The following ACOXL variants were observed in gnomAD, a reference collection of about 807,000 sequenced individuals.
ACOXL encodes acyl-CoA oxidase like.
ACOXL carries 70 observed loss-of-function variants against 71.9 expected under a neutral mutation model. The observed-to-expected ratio is 0.97, with a 90% confidence interval of 0.80 to 1.19. The LOEUF (loss-of-function observed/expected upper bound fraction) is 1.19, where lower values mean the gene tolerates loss of function less well. Among genes scored for constraint, ACOXL ranks in the 50% most tolerant of loss-of-function variants. The probability of loss-of-function intolerance (pLI) is 0.00; values close to 1 mark genes in which losing one functional copy is unlikely to be tolerated. For synonymous variants in ACOXL, 253 were observed against 281.6 expected (o/e 0.90, Z 1.02); for missense variants, 703 against 736.3 (o/e 0.95, Z 0.52).
intron 16 of ACOXL, among the ~76,000 whole-genome samples, chr2:111,050,678 C>G (rs1403637259): frequency 1.3e-5 from 2 of 152,154 alleles, no homozygotes; most frequent in African/African-American, 4.8e-5. Flanking sequence ...CCTGGGCTCC[C>G]CTGGAGGTTA....
intron 17 of ACOXL, among the ~76,000 whole-genome samples, chr2:111,114,927 G>A (rs1223307493): frequency 3.3e-5 from 5 of 152,060 alleles, no homozygotes; most frequent in Non-Finnish European, 7.4e-5. Flanking sequence ...CTTGAGGGCT[G>A]AGTGCTTCTG....
intron 9 of ACOXL, among the ~76,000 whole-genome samples, chr2:110,829,692 G>A (rs902591371): frequency 3.9e-5 from 6 of 152,182 alleles, no homozygotes; most frequent in Admixed American, 6.5e-5. Flanking sequence ...GGAGGAAGGC[G>A]TCCTTGATTT....
intron 1 of ACOXL, among the ~76,000 whole-genome samples, chr2:110,755,934 T>G (rs1679626928): frequency 6.6e-6 from 1 of 152,172 alleles, no homozygotes; most frequent in Non-Finnish European, 1.5e-5. Flanking sequence ...ATGCAAGCAA[T>G]ATGTGTATTG....
At chr2:110,823,770 G>T (rs1688883501) in intron 9 of ACOXL, among the ~76,000 whole-genome samples, 1 of 152,070 alleles carries the variant, frequency 6.6e-6, no homozygotes, top group Non-Finnish European at 1.5e-5. Context: ...TATATTTTTG[G>T]CAAGTATCTG....
chr2:110,765,646 G>T (rs13409293), intron 1 of ACOXL, among the ~76,000 whole-genome samples: 194 of 152,278 alleles, frequency 1.3e-3, no homozygotes, highest in African/African-American at 4.6e-3. Context: ...TCTGGTGAGG[G>T]TCTTGCTTTC....
chr2:111,001,530 G>A (rs1370520298), intron 14 of ACOXL, among the ~76,000 whole-genome samples: 2 of 152,222 alleles, frequency 1.3e-5, no homozygotes, highest in Non-Finnish European at 2.9e-5. Context: ...AACCACCTGG[G>A]TGTGCATAGG....
intron 1 of ACOXL, among the ~76,000 whole-genome samples, chr2:110,762,558 T>C (rs909861162): frequency 6.6e-6 from 1 of 152,256 alleles, no homozygotes; most frequent in Admixed American, 6.5e-5. Context: ...TAATTTATCA[T>C]AGTTTACTAG....
chr2:111,028,294 GT>G (rs1378713259), intron 14 of ACOXL, among the ~76,000 whole-genome samples: 2 of 151,828 alleles, frequency 1.3e-5, no homozygotes, highest in Admixed American at 6.6e-5. Context: ...TTGTTTTGGA[GT>G]TTTTTTGAGA....
chr2:110,988,742 C>G lies in ACOXL; in HGVS notation c.1169+1525C>G, dbSNP rs2063042119. On this transcript the variant is annotated intron_variant, in intron 13 of 17. Transcript: ENST00000439055. ...TATAAGAAATGATCTCTCACCCTGA[C>G]TTTAAACTGAATTTTCTCAATTACT... Among the ~76,000 whole-genome samples, 5 of 152,274 alleles carry G rather than the reference C, an allele frequency of 3.3e-5. No homozygotes were observed. The South Asian group carries it at 1.0e-3, about 32-fold the overall frequency.
In ACOXL at chr2:111,064,450, A is replaced by C. The variant is rs571668262; in HGVS notation, c.1440+15162A>C. ...CACTCCATCTCAAAAAAAAAACAAA[A>C]AAAAAACAACAACTATATAGTATTT... On this transcript the variant is annotated intron_variant, in intron 16 of 17. Transcript: ENST00000439055. Among the ~76,000 whole-genome samples, 320 of 151,814 alleles carry C rather than the reference A, an allele frequency of 2.1e-3. 4 individuals are homozygous for C. Among genetic ancestry groups the C allele is most frequent in the African/African-American group, 7.5e-3 (311 of 41,416 alleles).
At position 110,944,172 on chromosome 2, in the gene ACOXL, C is replaced by T. The variant is rs1464103526; in HGVS notation, c.1059+10530C>T. 1.3e-5 allele frequency among the ~76,000 whole-genome samples: 2 copies of T among 152,090 alleles called. 1 individual carries two copies. The highest frequency in any genetic ancestry group is 2.9e-5 in the Non-Finnish European group (2 of 68,020). On this transcript the variant is annotated intron_variant, in intron 12 of 17. Coordinates refer to ENST00000439055, the MANE Select transcript of ACOXL (RefSeq NM_001142807.4). ...TCCCAGGCTCAAGCGATTCTCCGGC[C>T]TCAGCCTCAGCCTCCCAAGTAGCTG...
chr2:111,000,491 C>T (rs1344981233), intron 14 of ACOXL, among the ~76,000 whole-genome samples: 1 of 152,188 alleles, frequency 6.6e-6, no homozygotes, highest in Non-Finnish European at 1.5e-5. Context: ...TTTCTGAGGG[C>T]TTCTGTGACA....
chr2:110,737,842 C>T (rs1378568267), intron 1 of ACOXL, among the ~76,000 whole-genome samples: 5 of 152,228 alleles, frequency 3.3e-5, no homozygotes, highest in Admixed American at 3.3e-4. Context: ...ATGGTCAAGT[C>T]ACTGTTTTCC....
chr2:111,111,809 A>G (rs187208967), intron 17 of ACOXL, among the ~76,000 whole-genome samples: 28 of 152,318 alleles, frequency 1.8e-4, no homozygotes, highest in Admixed American at 5.9e-4. Context: ...ATATTTATAA[A>G]TAATCAACCT....
chr2:111,064,032 G>A (rs1315450221), intron 16 of ACOXL, among the ~76,000 whole-genome samples: 1 of 152,192 alleles, frequency 6.6e-6, no homozygotes, highest in Admixed American at 6.5e-5. Context: ...CAAGGTCAAC[G>A]TTCATTCATT....
chr2:110,963,853 AG>A, intron 12 of ACOXL: 1 of 1,251,376 alleles, frequency 8.0e-7, no homozygotes, highest in South Asian at 1.6e-5. Flanking sequence ...GTAGCTGAAC[AG>A]GGGATTACGT....
chr2:110,765,327 C>T (rs1056125644), intron 1 of ACOXL, among the ~76,000 whole-genome samples: 1 of 152,102 alleles, frequency 6.6e-6, no homozygotes, highest in African/African-American at 2.4e-5. Flanking sequence ...TGTCTTTTAC[C>T]AAGTAGGGGA....
chr2:110,946,423 A>G (rs2061110548), intron 12 of ACOXL, among the ~76,000 whole-genome samples: 1 of 152,148 alleles, frequency 6.6e-6, no homozygotes, highest in Non-Finnish European at 1.5e-5. Flanking sequence ...TACTATGCTG[A>G]ATATAAGTGG....
At chr2:111,049,151 C>G in intron 15 of ACOXL, 67 bp from the exon 16 acceptor site, 1 of 1,236,204 alleles carries the variant, frequency 8.1e-7, no homozygotes, top group South Asian at 1.2e-5. Context: ...ACAGTGTCCT[C>G]CTTCACATCA....
Sources: allele counts gnomAD v4.1 joint callset (sites outside exome capture counted in the v4.1 genomes callset), GRCh38; gene constraint gnomAD v4.1.1; transcripts MANE v1.5; gene names NCBI Gene and HGNC (gene_info 2026-07-23, HGNC 2026-07-21).